ASAP1: variants seen among roughly 807,000 people sequenced by gnomAD.
ASAP1 encodes the protein ArfGAP with SH3 domain, ankyrin repeat and PH domain 1, also known as arf-GAP with SH3 domain, ANK repeat and PH domain-containing protein 1.
In ASAP1, 43 loss-of-function variants were observed where a neutral mutation model predicts 145.2. The ratio of observed to expected loss-of-function variants is 0.30; its 90% CI spans 0.23 to 0.38. The LOEUF (loss-of-function observed/expected upper bound fraction) is 0.38, where lower values mean the gene tolerates loss of function less well. ASAP1 is among the 10% of genes least tolerant of loss of function. ASAP1 has a pLI of 1.00. For missense variants in ASAP1, 1,018 were observed against 1,355.3 expected (o/e 0.75, Z 3.91); for synonymous variants, 546 against 515.5 (o/e 1.06, Z -0.80).
At chr8:130,125,162 A>C (rs1024251620) in intron 17 of ASAP1, among the ~76,000 whole-genome samples, 1 of 152,084 alleles carries the variant, frequency 6.6e-6, no homozygotes, top group Non-Finnish European at 1.5e-5. Context: ...CCTGTCTGAG[A>C]AGTCATACTT....
chr8:130,142,268 G>A (rs1326135947), intron 13 of ASAP1, among the ~76,000 whole-genome samples: 2 of 152,156 alleles, frequency 1.3e-5, no homozygotes, highest in Non-Finnish European at 2.9e-5. Flanking sequence ...GATATAGCTC[G>A]GAGAATAACA....
At chr8:130,207,767 C>A (rs1816318824) in intron 5 of ASAP1, among the ~76,000 whole-genome samples, 1 of 152,142 alleles carries the variant, frequency 6.6e-6, no homozygotes, top group South Asian at 2.1e-4. Flanking sequence ...CACTAAGAGG[C>A]AGCATTCCCT....
intron 27 of ASAP1, among the ~76,000 whole-genome samples, chr8:130,074,297 A>G (rs1386723634): frequency 6.6e-6 from 1 of 152,150 alleles, no homozygotes; most frequent in Non-Finnish European, 1.5e-5. Context: ...GCAGGGAACT[A>G]GATGAAAGAA....
intron 3 of ASAP1, among the ~76,000 whole-genome samples, chr8:130,344,531 T>C (rs1825585289): frequency 6.6e-6 from 1 of 152,174 alleles, no homozygotes; most frequent in African/African-American, 2.4e-5. Flanking sequence ...AACTGAATGA[T>C]AGTTACATGT....
chr8:130,192,479 C>A (rs534201172), intron 5 of ASAP1, among the ~76,000 whole-genome samples: 1 of 152,264 alleles, frequency 6.6e-6, no homozygotes, highest in African/African-American at 2.4e-5. Flanking sequence ...CTATTCTACA[C>A]AGATAGCTGA....
intron 27 of ASAP1, among the ~76,000 whole-genome samples, chr8:130,074,204 T>A (rs1208953472): frequency 6.6e-6 from 1 of 152,002 alleles, no homozygotes; most frequent in East Asian, 1.9e-4. Context: ...TTTTTAGACA[T>A]GATGAATTTT....
chr8:130,200,251 T>C (rs1815779361), intron 5 of ASAP1, among the ~76,000 whole-genome samples: 1 of 152,172 alleles, frequency 6.6e-6, no homozygotes, highest in Non-Finnish European at 1.5e-5. Flanking sequence ...AATAGAAATA[T>C]TCAAAACAGG....
chr8:130,319,688 T>G (rs1823882291), intron 3 of ASAP1, among the ~76,000 whole-genome samples: 1 of 152,050 alleles, frequency 6.6e-6, no homozygotes, highest in African/African-American at 2.4e-5. Flanking sequence ...ATCAAAAAGA[T>G]GAACAGAGCA....
At chr8:130,416,096 G>A (rs1027513213) in intron 1 of ASAP1, among the ~76,000 whole-genome samples, 2 of 152,076 alleles carry the variant, frequency 1.3e-5, no homozygotes, top group South Asian at 2.1e-4. Context: ...TCTCCCAGGC[G>A]CAGCGGGCCA....
At chr8:130,311,761 C>A (rs529603996) in intron 3 of ASAP1, among the ~76,000 whole-genome samples, 375 of 85,074 alleles carry the variant, frequency 4.4e-3, no homozygotes, top group South Asian at 7.3e-3. Flanking sequence ...AACTCCGTCT[C>A]AAAAAAAAAA....
intron 1 of ASAP1, among the ~76,000 whole-genome samples, chr8:130,407,691 G>A (rs1045448231): frequency 6.6e-6 from 1 of 152,194 alleles, no homozygotes; most frequent in African/African-American, 2.4e-5. Context: ...TCTGTTCTAC[G>A]ACTTACAGTT....
intron 1 of ASAP1, among the ~76,000 whole-genome samples, chr8:130,433,925 A>C (rs1480625177): frequency 6.6e-6 from 1 of 152,254 alleles, no homozygotes; most frequent in African/African-American, 2.4e-5. Context: ...CACATGAAGA[A>C]TTAAGGCGTG....
intron 1 of ASAP1, among the ~76,000 whole-genome samples, chr8:130,439,129 C>A (rs147149141): frequency 6.6e-6 from 1 of 152,150 alleles, no homozygotes; most frequent in African/African-American, 2.4e-5. Flanking sequence ...AAGGGAGAAT[C>A]AGAGAGATGG....
At position 130,300,153 on chromosome 8, in the gene ASAP1, C is replaced by CACACACAGAGAGAGAGAGAG. The variant is rs1196584279; in HGVS notation, c.186+57863_186+57864insCTCTCTCTCTCTCTGTGTGT. On this transcript the variant is annotated intron_variant, in intron 3 of 29. Transcript: ENST00000518721. The stretch of plus-strand genomic sequence containing the variant: ...ACACACACACACACACACACACACA[C>CACACACAGAGAGAGAGAGAG]AGAGAGAGAGAGAGAGAGAGAGAGA... 1.3e-3 allele frequency among the ~76,000 whole-genome samples: 97 copies of CACACACAGAGAGAGAGAGAG among 76,886 alleles called. 1 individual carries two copies. Among genetic ancestry groups the CACACACAGAGAGAGAGAGAG allele is most frequent in the Middle Eastern group, 7.5e-3 (1 of 134 alleles). 50.4% of individuals were successfully genotyped at this position (76,886 alleles called of 152,430 possible). A position where few individuals can be genotyped will look rare whatever the true frequency, so the allele number is the denominator to read the frequency against.
intron 5 of ASAP1, among the ~76,000 whole-genome samples, chr8:130,196,792 G>A (rs1375168090): frequency 6.6e-6 from 1 of 152,172 alleles, no homozygotes; most frequent in East Asian, 1.9e-4. Flanking sequence ...TTAAAATAAT[G>A]AGCCAGCTCC....
chr8:130,127,914 T>C lies in ASAP1; in HGVS notation c.1381+13A>G. The stretch of plus-strand genomic sequence containing the variant: ...GATGTTGTAAAAGCTCGTTCAAATA[T>C]GGGGACAAAAACCTGATGAGCCACA... On this transcript the variant is annotated intron_variant, in intron 16 of 29. Transcript: ENST00000518721. The C allele has an allele frequency of 3.1e-6, 5 of 1,610,154 alleles. No individual in the cohort carries two copies. The highest frequency in any genetic ancestry group is 4.2e-6 in the Non-Finnish European group (5 of 1,178,880).
At chr8:130,142,081 T>C (rs953681663) in intron 13 of ASAP1, among the ~76,000 whole-genome samples, 2 of 152,164 alleles carry the variant, frequency 1.3e-5, no homozygotes, top group Admixed American at 1.3e-4. Context: ...TACTATCTCA[T>C]GTACTACCTG....
chr8:130,126,424 T>C (rs1486736591), intron 16 of ASAP1, among the ~76,000 whole-genome samples: 1 of 152,216 alleles, frequency 6.6e-6, no homozygotes, highest in Non-Finnish European at 1.5e-5. Flanking sequence ...TATTAAGTAC[T>C]GCTCACAGGG....
At chr8:130,411,062 T>C (rs1025291514) in intron 1 of ASAP1, among the ~76,000 whole-genome samples, 1 of 152,202 alleles carries the variant, frequency 6.6e-6, no homozygotes, top group African/African-American at 2.4e-5. Context: ...GGTTTTGCCA[T>C]GTTGGCCCAG....
Sources: allele counts gnomAD v4.1 joint callset (sites outside exome capture counted in the v4.1 genomes callset), GRCh38; gene constraint gnomAD v4.1.1; transcripts MANE v1.5; gene names NCBI Gene and HGNC (gene_info 2026-07-23, HGNC 2026-07-21).